Variants in SFI1 observed in about 807,000 individuals in gnomAD.
SFI1 encodes the protein SFI1 centrin binding protein.
Under a neutral mutation model 207.5 loss-of-function variants are expected in SFI1, and 195 were observed. The ratio of observed to expected loss-of-function variants is 0.94; its 90% CI spans 0.84 to 1.06. The LOEUF (loss-of-function observed/expected upper bound fraction) is 1.06. Among genes scored for constraint, SFI1 ranks in the 50% least tolerant of loss-of-function variants. SFI1 has a pLI of 0.00. For missense variants in SFI1, 1,634 were observed against 1,588.0 expected (o/e 1.03, Z -0.49); for synonymous variants, 630 against 598.9 (o/e 1.05, Z -0.76).
chr22:31,580,258 C>T lies in SFI1; in HGVS notation c.1156-14C>T. 1 of 1,607,144 alleles carries T rather than the reference C, an allele frequency of 6.2e-7. No homozygotes were observed. The highest frequency in any genetic ancestry group is 8.5e-7 in the Non-Finnish European group (1 of 1,173,786). On this transcript the variant is annotated splice_polypyrimidine_tract_variant and intron_variant, in intron 11 of 32. Transcript: ENST00000400288. The stretch of plus-strand genomic sequence containing the variant: ...CCCAGTCCTTGTAATCAGTTGTGTC[C>T]TTTCTTTGCACAGTATTTTTGCTTT...
At position 31,614,863 on chromosome 22, in the gene SFI1, C is replaced by T; in HGVS notation, c.3068+3C>T. 6.2e-7 allele frequency: 1 copy of T among 1,613,542 alleles called. No homozygotes were observed. Among genetic ancestry groups the T allele is most frequent in the Non-Finnish European group, 8.5e-7 (1 of 1,179,904 alleles). On this transcript the variant is annotated splice_donor_region_variant and intron_variant, in intron 28 of 32. Coordinates refer to ENST00000400288, the MANE Select transcript of SFI1 (RefSeq NM_001007467.3). ...TTGGAGCCTGCGCAGAGCCAGAGGT[C>T]CCTGGGGTGCAGCACCGTGGGCAGG... is the stretch of plus-strand genomic sequence containing the variant.
intron 15 of SFI1, among the ~76,000 whole-genome samples, chr22:31,598,445 G>A (rs952497087): frequency 6.6e-6 from 1 of 151,254 alleles, no homozygotes; most frequent in East Asian, 2.0e-4. Context: ...GTTTTGCATG[G>A]TTTTTTTCTT....
intron 9 of SFI1, among the ~76,000 whole-genome samples, 175 bp from the exon 10 acceptor site, chr22:31,575,056 C>A (rs1372084111): frequency 7.1e-6 from 1 of 140,928 alleles, no homozygotes; most frequent in Non-Finnish European, 1.5e-5. Context: ...GAGACTCCAA[C>A]TCAAAGAAAA....
At chr22:31,589,202 A>G (rs5998050) in intron 14 of SFI1, among the ~76,000 whole-genome samples, 1 of 98,036 alleles carries the variant, frequency 1.0e-5, no homozygotes, top group Non-Finnish European at 2.2e-5. Flanking sequence ...GAGTGTGTGT[A>G]TGTGTGTGCG....
intron 1 of SFI1, among the ~76,000 whole-genome samples, chr22:31,500,547 T>G (rs1342227573): frequency 1.3e-5 from 2 of 152,070 alleles, no homozygotes; most frequent in Admixed American, 1.3e-4. Context: ...AACCTCTGCC[T>G]CCTGGGTTCA....
chr22:31,530,669 G>A (rs901254158), intron 3 of SFI1: 10 of 469,940 alleles, frequency 2.1e-5, no homozygotes, highest in African/African-American at 1.8e-4. Flanking sequence ...TTACAGGAGG[G>A]GTTTGAACAG....
intron 5 of SFI1, 59 bp from the exon 6 acceptor site, chr22:31,550,195 G>C: frequency 7.2e-7 from 1 of 1,398,084 alleles, no homozygotes; most frequent in East Asian, 2.3e-5. Flanking sequence ...ACAGGTGTGA[G>C]CCACCGCGCC....
intron 29 of SFI1, 44 bp from the exon 30 acceptor site, chr22:31,616,701 C>T (rs1458457418): frequency 1.3e-6 from 2 of 1,506,440 alleles, no homozygotes; most frequent in Admixed American, 2.4e-5. Context: ...CCCTGGCTTC[C>T]TCCTAGCTTC....
Position 31,561,326 on chromosome 22 carries a change from G to A in SFI1, c.699G>A (p.Gln233=). ...GCACGTGGAGGCAGCGACTAGGACA[G>A]GTCCGTGTGAGCCGTGCCCTCCATG... The part of the protein sequence containing the change: ...WWSTWRQRLG[Q]VRVSRALHAS... The change falls in exon 8 of 33, where the codon CAG becomes CAA. Residue 233 remains glutamine, a synonymous_variant. Transcript: ENST00000400288. The A allele has an allele frequency of 1.2e-6, 2 of 1,614,146 alleles. No homozygotes were observed. The highest frequency in any genetic ancestry group is 8.5e-7 in the Non-Finnish European group (1 of 1,180,010).
chr22:31,580,009 G>A, intron 11 of SFI1: 1 of 315,858 alleles, frequency 3.2e-6, no homozygotes, highest in Non-Finnish European at 5.8e-6. Context: ...TGGTGTGGGT[G>A]TGTTTGTTCT....
At chr22:31,580,414 C>T (rs1335104027) in intron 12 of SFI1, 50 bp downstream of exon 12, 1 of 1,479,546 alleles carries the variant, frequency 6.8e-7, no homozygotes, top group Non-Finnish European at 9.3e-7. Flanking sequence ...GCCATTCTCT[C>T]TCGCTCTTTT....
At chr22:31,578,589 A>G (rs544091138) in intron 11 of SFI1, 137 bp downstream of exon 11, 6 of 646,976 alleles carry the variant, frequency 9.3e-6, no homozygotes, top group Non-Finnish European at 1.5e-5. Context: ...CCCTCCTTTC[A>G]TTGTGGGTGT....
intron 8 of SFI1, among the ~76,000 whole-genome samples, chr22:31,570,039 C>G (rs946609858): frequency 6.6e-6 from 1 of 151,794 alleles, no homozygotes. Flanking sequence ...ATTGCTTAAG[C>G]CCAGGAGGTT....
Position 31,496,657 on chromosome 22 carries a change from C to T in SFI1, c.-31+20C>T, listed in dbSNP as rs1411771541. The T allele has an allele frequency of 6.6e-6, 1 of 152,292 alleles. No homozygotes were observed. The highest frequency in any genetic ancestry group is 1.5e-5 in the Non-Finnish European group (1 of 68,078). The allele number at this position is 152,292 out of a possible 1,614,324, so 9.4% of individuals were successfully genotyped here. The stretch of plus-strand genomic sequence containing the variant: ...CCCCAGGTACGAGGCCCGGCCCTAA[C>T]GTCCCCACCCTCTTCTGGGCTCGGC... On this transcript the variant is annotated intron_variant, in intron 1 of 32. Coordinates refer to ENST00000400288, the MANE Select transcript of SFI1 (RefSeq NM_001007467.3).
intron 2 of SFI1, among the ~76,000 whole-genome samples, chr22:31,520,636 T>A (rs1348290672): frequency 6.6e-6 from 1 of 151,992 alleles, no homozygotes; most frequent in Non-Finnish European, 1.5e-5. Flanking sequence ...TGTTTGTTGA[T>A]ATAACTTCTG....
intron 8 of SFI1, 88 bp from the exon 9 acceptor site, chr22:31,572,970 T>C (rs889748750): frequency 1.8e-5 from 25 of 1,354,764 alleles, no homozygotes; most frequent in Admixed American, 8.1e-5. Context: ...CTTTCCAGCG[T>C]GTGTGCCTTT....
In SFI1 at chr22:31,561,352, C is replaced by G. The variant is rs775355245; in HGVS notation, c.725C>G (p.Ala242Gly). ...GTCCGTGTGAGCCGTGCCCTCCATGCCTCTGCTTTGAAGCACAGGGCCCTG... is the reference window on the plus strand; with the variant it reads ...GTCCGTGTGAGCCGTGCCCTCCATGGCTCTGCTTTGAAGCACAGGGCCCTG... ...GQVRVSRALH[A>G]SALKHRALSL... The change falls in exon 8 of 33, where the codon GCC becomes GGC. Residue 242 changes from alanine to glycine, a missense_variant. By Grantham distance (60) the Ala-to-Gly change is moderately conservative (BLOSUM62 0). Transcript: ENST00000400288. The G allele has an allele frequency of 6.2e-7, 1 of 1,614,126 alleles. No homozygotes were observed. Among genetic ancestry groups the G allele is most frequent in the Non-Finnish European group, 8.5e-7 (1 of 1,180,030 alleles).
chr22:31,603,477 G>A (rs1299209047), intron 17 of SFI1, among the ~76,000 whole-genome samples: 2 of 152,214 alleles, frequency 1.3e-5, no homozygotes, highest in Non-Finnish European at 2.9e-5. Context: ...GTCGCACACT[G>A]ACCATGTTTA....
intron 2 of SFI1, among the ~76,000 whole-genome samples, chr22:31,511,948 C>T (rs1022072981): frequency 6.6e-6 from 1 of 152,070 alleles, no homozygotes; most frequent in Non-Finnish European, 1.5e-5. Context: ...CACCGTGCCC[C>T]AGCCTTAGGT....
Sources: gnomAD v4.1 joint callset for allele counts (sites outside exome capture counted in the v4.1 genomes callset) on GRCh38, gnomAD v4.1.1 for gene constraint, MANE v1.5 for transcripts, NCBI Gene and HGNC (gene_info 2026-07-23, HGNC 2026-07-21) for gene names.